The following TECPR1 variants were observed in gnomAD, a reference collection of about 807,000 sequenced individuals.
The protein encoded by TECPR1 is tectonin beta-propeller repeat-containing protein 1.
A neutral mutation model predicts 162.4 loss-of-function variants in TECPR1; 122 were observed. The ratio of observed to expected loss-of-function variants is 0.75; its 90% CI spans 0.65 to 0.87. The LOEUF is 0.87. TECPR1 is among the 40% of genes least tolerant of loss of function. The pLI is 0.00. For missense variants in TECPR1, 1,432 were observed against 1,618.2 expected (o/e 0.88, Z 1.97); for synonymous variants, 642 against 670.6 (o/e 0.96, Z 0.66).
chr7:98,238,402 TG>T, intron 9 of TECPR1, 106 bp downstream of exon 9: 1 of 887,646 alleles, frequency 1.1e-6, no homozygotes, highest in Non-Finnish European at 1.8e-6. Flanking sequence ...TACAATGGAG[TG>T]GGGGGCTCTC....
At position 98,228,128 on chromosome 7, in the gene TECPR1, G is replaced by A. The variant is rs772740299; in HGVS notation, c.2411-12C>T. 1.2e-6 allele frequency: 2 copies of A among 1,601,420 alleles called. No homozygotes were observed. The highest frequency in any genetic ancestry group is 1.7e-6 in the Non-Finnish European group (2 of 1,173,074). ...GCTGCTGGCCAGGCCTGTGGGGAGA[G>A]GTGGCTGCTGGGACCGAGGCCACAT... On this transcript the variant is annotated splice_polypyrimidine_tract_variant and intron_variant, in intron 16 of 25. Coordinates refer to ENST00000447648, the MANE Select transcript of TECPR1 (RefSeq NM_015395.3).
intron 10 of TECPR1, among the ~76,000 whole-genome samples, chr7:98,235,849 A>AAACAAAAAAAAAAAAAAAACAAC (rs1554401446): frequency 9.1e-6 from 1 of 110,252 alleles, no homozygotes. Flanking sequence ...AAAAAAAAAA[A>AAACAAAAAAAAAAAAAAAACAAC]AACACCATCT....
intron 10 of TECPR1, among the ~76,000 whole-genome samples, chr7:98,236,183 C>A (rs1798597002): frequency 6.6e-6 from 1 of 152,184 alleles, no homozygotes; most frequent in African/African-American, 2.4e-5. Flanking sequence ...GCTCTTTAGA[C>A]CCACGGACCA....
Position 98,233,000 on chromosome 7 carries a change from G to A in TECPR1, c.1673-28C>T, listed in dbSNP as rs558345671. 2.0e-4 allele frequency: 324 copies of A among 1,589,176 alleles called. 7 individuals are homozygous for A. In the South Asian group the frequency reaches 3.2e-3, roughly 16 times the overall value. On this transcript the variant is annotated intron_variant, in intron 11 of 25. Transcript: ENST00000447648. This position sits in a 1 kb window ranked among gnomAD's most constrained non-coding sequence, Gnocchi z 4.6. Reference sequence around the variant, plus strand: ...GTGGGGCAGAGAGAGCCTCAGGGCCGGGGCACTGTCCTGCCCGCAGCTGGG... The same window carrying A: ...GTGGGGCAGAGAGAGCCTCAGGGCCAGGGCACTGTCCTGCCCGCAGCTGGG...
At chr7:98,233,191 G>A in intron 11 of TECPR1, 2 of 784,850 alleles carry the variant, frequency 2.5e-6, no homozygotes, top group Non-Finnish European at 3.8e-6. Flanking sequence ...AGGGGCTGCA[G>A]ACAGGGGAAG....
intron 8 of TECPR1, among the ~76,000 whole-genome samples, chr7:98,239,490 G>A (rs965793866): frequency 2.6e-5 from 4 of 152,202 alleles, no homozygotes; most frequent in Admixed American, 1.3e-4. Context: ...AGGAGGTGGA[G>A]GTTACAGTGA....
At chr7:98,243,721 G>A in intron 5 of TECPR1, 129 bp from the exon 6 acceptor site, 1 of 1,255,996 alleles carries the variant, frequency 8.0e-7, no homozygotes, top group Non-Finnish European at 1.1e-6. Context: ...TTAATTCACA[G>A]GGAAGGCAGC....
chr7:98,233,046 C>T, intron 11 of TECPR1, 74 bp from the exon 12 acceptor site: 4 of 1,493,874 alleles, frequency 2.7e-6, no homozygotes, highest in Non-Finnish European at 2.7e-6. Context: ...CGGCGCTCCC[C>T]TCCACCAAAT....
Position 98,217,107 on chromosome 7 carries a change from A to C in TECPR1, c.*283T>G. 1 of 354,202 alleles carries C rather than the reference A, an allele frequency of 2.8e-6. No homozygotes were observed. 21.9% of individuals were successfully genotyped at this position (354,202 alleles called of 1,614,324 possible). A position where few individuals can be genotyped will look rare whatever the true frequency, so the allele number is the denominator to read the frequency against. Reference sequence around the variant, plus strand: ...CCTGGAAAGGCAGAAGGGAGAGGGGAAGGGAAGGGTGGGAGGGGCCTCTGG... The same window carrying C: ...CCTGGAAAGGCAGAAGGGAGAGGGGCAGGGAAGGGTGGGAGGGGCCTCTGG... On this transcript the variant is annotated 3_prime_UTR_variant, in exon 26 of 26. Coordinates refer to ENST00000447648, the MANE Select transcript of TECPR1 (RefSeq NM_015395.3).
intron 10 of TECPR1, among the ~76,000 whole-genome samples, chr7:98,234,114 A>C (rs933136197): frequency 2.0e-5 from 3 of 152,254 alleles, no homozygotes; most frequent in Non-Finnish European, 4.4e-5. Context: ...CACCCTGCAG[A>C]CCAATCACAT....
At chr7:98,226,625 T>C in intron 17 of TECPR1, 1 of 1,053,528 alleles carries the variant, frequency 9.5e-7, no homozygotes, top group Non-Finnish European at 1.2e-6. Flanking sequence ...ATTTCGTCAA[T>C]TTGGAAAAGG....
At chr7:98,225,817 C>T (rs1385913374) in intron 17 of TECPR1, among the ~76,000 whole-genome samples, 1 of 152,132 alleles carries the variant, frequency 6.6e-6, no homozygotes, top group Non-Finnish European at 1.5e-5. Flanking sequence ...CCATACCTGG[C>T]TAATTTATTT....
intron 17 of TECPR1, among the ~76,000 whole-genome samples, chr7:98,227,641 T>C (rs1160182253): frequency 6.6e-6 from 1 of 151,434 alleles, no homozygotes; most frequent in Admixed American, 6.6e-5. Context: ...GCCAACATGG[T>C]AAAACCCTGT....
rs116670550 is a variant in TECPR1, at chr7:98,233,978, G to A, written c.1182-67C>T. ...GAACAGGCGCTGTCAGGCAGGCCCA[G>A]CTCCAGCGTGCTCCACCATGACTGC... On this transcript the variant is annotated intron_variant, in intron 10 of 25. Transcript: ENST00000447648. 1,546 of 1,457,704 alleles carry A rather than the reference G, an allele frequency of 1.1e-3. 10 individuals are homozygous for A. In the African/African-American group the frequency reaches 0.02, roughly 19 times the overall value. 90.3% of individuals were successfully genotyped at this position (1,457,704 alleles called of 1,614,324 possible).
In TECPR1 at chr7:98,241,022, C is replaced by G. The variant is rs1461880857; in HGVS notation, c.832+48G>C. The G allele has an allele frequency of 6.3e-7, 1 of 1,588,440 alleles. No individual in the cohort carries two copies. The highest frequency in any genetic ancestry group is 1.3e-5 in the African/African-American group (1 of 74,488). On this transcript the variant is annotated intron_variant, in intron 7 of 25. Transcript: ENST00000447648. The surrounding 1 kb of genome is among the most constrained non-coding windows in gnomAD (Gnocchi z 5.0). ...CAGCTGGGGAGCGAGTGACCCTCAC[C>G]CTTCTCCCCAGTACAGGGTATGTGG...
Position 98,217,330 on chromosome 7 carries a change from G to A in TECPR1, c.*60C>T. The A allele has an allele frequency of 2.7e-6, 3 of 1,119,864 alleles. No homozygotes were observed. Among genetic ancestry groups the A allele is most frequent in the Non-Finnish European group, 3.8e-6 (3 of 793,622 alleles). The allele number at this position is 1,119,864 out of a possible 1,614,324, so 69.4% of individuals were successfully genotyped here. A position where few individuals can be genotyped will look rare whatever the true frequency, so the allele number is the denominator to read the frequency against. The stretch of plus-strand genomic sequence containing the variant: ...ACGGTGCACACTCCAGCACAAGAAT[G>A]GCTCAGCCTTGATCCCCCAAACTGG... On this transcript the variant is annotated 3_prime_UTR_variant, in exon 26 of 26. Coordinates refer to ENST00000447648, the MANE Select transcript of TECPR1 (RefSeq NM_015395.3).
At chr7:98,245,248 C>T in intron 3 of TECPR1, 181 bp from the exon 4 acceptor site, 2 of 646,866 alleles carry the variant, frequency 3.1e-6, no homozygotes. Flanking sequence ...CATGCCACTT[C>T]ATCATGAGCC....
At position 98,231,059 on chromosome 7, in the gene TECPR1, C is replaced by A. The variant is rs775757627; in HGVS notation, c.2184G>T (p.Pro728=). The change falls in exon 15 of 26, where the codon CCG becomes CCT. Residue 728 remains proline, a synonymous_variant. Coordinates refer to ENST00000447648, the MANE Select transcript of TECPR1 (RefSeq NM_015395.3). ...ESRKVQGRPS[P]QAIWSITCKG... Reference sequence around the variant, plus strand: ...TGCAGGTGATGGACCAGATGGCCTGCGGGGACGGGCGGCCCTGCACCTTCC... The same window carrying A: ...TGCAGGTGATGGACCAGATGGCCTGAGGGGACGGGCGGCCCTGCACCTTCC... The A allele has an allele frequency of 1.9e-6, 3 of 1,609,830 alleles. No homozygotes were observed. Among genetic ancestry groups the A allele is most frequent in the Non-Finnish European group, 8.5e-7 (1 of 1,178,658 alleles).
At position 98,241,671 on chromosome 7, in the gene TECPR1, C is replaced by T. The variant is rs114790944; in HGVS notation, c.658-427G>A. On this transcript the variant is annotated intron_variant, in intron 6 of 25. Coordinates refer to ENST00000447648, the MANE Select transcript of TECPR1 (RefSeq NM_015395.3). This position sits in a 1 kb window ranked among gnomAD's most constrained non-coding sequence, Gnocchi z 5.0. ...ACTGAATGGTTAAGACTGGGAGCAACGTGCTCAGAGCGTCTGAACTGTTTG... is the reference window on the plus strand; with the variant it reads ...ACTGAATGGTTAAGACTGGGAGCAATGTGCTCAGAGCGTCTGAACTGTTTG... 7.6e-4 allele frequency among the ~76,000 whole-genome samples: 115 copies of T among 152,308 alleles called. No homozygotes were observed. Among genetic ancestry groups the T allele is most frequent in the African/African-American group, 2.6e-3 (110 of 41,566 alleles).
Sources: gnomAD v4.1 joint callset for allele counts (sites outside exome capture counted in the v4.1 genomes callset) on GRCh38, gnomAD v4.1.1 for gene constraint, Gnocchi (gnomAD v3.1) non-coding constraint, MANE v1.5 for transcripts, NCBI Gene and HGNC (gene_info 2026-07-23, HGNC 2026-07-21) for gene names.